The following SFR1 variants were observed in gnomAD, a reference collection of about 807,000 sequenced individuals.
The protein encoded by SFR1 is SWI5 dependent homologous recombination repair protein 1, also known as swi5-dependent recombination DNA repair protein 1 homolog.
Under a neutral mutation model 26.2 loss-of-function variants are expected in SFR1, and 24 were observed. The observed-to-expected ratio is 0.92, with a 90% CI of 0.66 to 1.29. SFR1 has a LOEUF of 1.29. SFR1 is among the 50% of genes most tolerant of loss of function. SFR1 has a pLI of 0.00. For missense variants in SFR1, 276 were observed against 270.2 expected (o/e 1.02, Z -0.15); for synonymous variants, 77 against 96.6 (o/e 0.80, Z 1.19).
chr10:104,125,421 T>A, intron 3 of SFR1, 92 bp from the exon 4 acceptor site: 2 of 1,004,684 alleles, frequency 2.0e-6, no homozygotes, highest in South Asian at 3.0e-5. Context: ...TATGTTAGCC[T>A]TTAAACCTGC....
At chr10:104,121,617 G>A (rs1015039362), upstream of SFR1, among the ~76,000 whole-genome samples, 2 of 152,172 alleles carry the variant, frequency 1.3e-5, no homozygotes, top group Non-Finnish European at 2.9e-5. Context: ...GCGGCTTCTG[G>A]CCGCCCCACG....
intron 2 of SFR1, chr10:104,123,356 C>T (rs1447605826): frequency 4.8e-6 from 2 of 414,644 alleles, no homozygotes; most frequent in Non-Finnish European, 8.5e-6. Context: ...TGCATCTGTG[C>T]AATATTATTA....
rs947283525 is a variant in SFR1, at chr10:104,125,406, C to CTGTGTATG, written c.547-105_547-98dup. 4 of 789,274 alleles carry CTGTGTATG rather than the reference C, an allele frequency of 5.1e-6. No homozygotes were observed. In the African/African-American group the frequency reaches 7.0e-5, roughly 14 times the overall value. 48.9% of individuals were successfully genotyped at this position (789,274 alleles called of 1,614,324 possible). On this transcript the variant is annotated intron_variant, in intron 3 of 3. Transcript: ENST00000369727. ...TCCTAGATAGAAGTCCCATTCATCC[C>CTGTGTATG]TGTGTATGTTAGCCTTTAAACCTGC...
At chr10:104,125,225 C>T (rs887992717) in intron 3 of SFR1, among the ~76,000 whole-genome samples, 4 of 152,098 alleles carry the variant, frequency 2.6e-5, no homozygotes, top group African/African-American at 7.2e-5. Context: ...GTAGATTTTT[C>T]CCTGTATTAT....
Position 104,125,746 on chromosome 10 carries a change from T to G in SFR1, c.*42T>G. On this transcript the variant is annotated 3_prime_UTR_variant, in exon 4 of 4. Transcript: ENST00000369727. ...CAGAATATCTTTGAGAATGACAACT[T>G]AATTAAAAGATACTTAGGCACTTTT... is the stretch of plus-strand genomic sequence containing the variant. The G allele has an allele frequency of 1.4e-6, 2 of 1,385,620 alleles. No individual in the cohort carries two copies. The highest frequency in any genetic ancestry group is 2.3e-5 in the East Asian group (1 of 43,474). 85.8% of individuals were successfully genotyped at this position (1,385,620 alleles called of 1,614,324 possible).
At chr10:104,121,196 C>T (rs1324678621), upstream of SFR1, among the ~76,000 whole-genome samples, 1 of 152,100 alleles carries the variant, frequency 6.6e-6, no homozygotes, top group East Asian at 1.9e-4. Context: ...TGGACCGACA[C>T]AATCTCATGT....
Position 104,123,039 on chromosome 10 carries a change from G to C in SFR1, c.88G>C (p.Ala30Pro). Residue 30 changes from alanine (A) to proline (P), a missense_variant, in exon 2 of 4, where the codon GCC (alanine) becomes CCC (proline). Ala to Pro is a conservative substitution (Grantham distance 27). Coordinates refer to ENST00000369727, the MANE Select transcript of SFR1 (RefSeq NM_001002759.2). Reference protein sequence around the residue: ...SAVVLPSTPQASANPSSPYTN... With the variant: ...SAVVLPSTPQPSANPSSPYTN... ...TGTGGTTTTACCTAGCACTCCTCAGGCCTCTGCGAATCCATCATCTCCCTA... is the reference window on the plus strand; with the variant it reads ...TGTGGTTTTACCTAGCACTCCTCAGCCCTCTGCGAATCCATCATCTCCCTA... The C allele has an allele frequency of 6.2e-7, 1 of 1,606,754 alleles. No homozygotes were observed. Among genetic ancestry groups the C allele is most frequent in the Non-Finnish European group, 8.5e-7 (1 of 1,177,910 alleles).
chr10:104,124,179 A>G, intron 3 of SFR1, 55 bp downstream of exon 3: 2 of 1,393,500 alleles, frequency 1.4e-6, no homozygotes, highest in East Asian at 5.1e-5. Flanking sequence ...AAATTACAGG[A>G]AAGTAATTTC....
chr10:104,121,017 T>G (rs577316038), upstream of SFR1, among the ~76,000 whole-genome samples: 1 of 152,034 alleles, frequency 6.6e-6, no homozygotes, highest in African/African-American at 2.4e-5. Context: ...CAGAAGTTAC[T>G]CAACTCTTTC....
chr10:104,122,611 T>A (rs1461318076), intron 1 of SFR1: 8 of 985,296 alleles, frequency 8.1e-6, no homozygotes, highest in Non-Finnish European at 9.6e-6. Flanking sequence ...CGGCTATAGC[T>A]TCTTGAATTA....
chr10:104,123,122 T>G (rs1261522153), intron 2 of SFR1, 36 bp downstream of exon 2: 2 of 1,491,246 alleles, frequency 1.3e-6, no homozygotes, highest in South Asian at 1.3e-5. Flanking sequence ...GGATCCATTA[T>G]GTGTTTCTAA....
intron 1 of SFR1, 102 bp from the exon 2 acceptor site, chr10:104,122,863 T>A: frequency 6.4e-7 from 1 of 1,559,906 alleles, no homozygotes; most frequent in Non-Finnish European, 8.6e-7. Context: ...ATATCTGGCT[T>A]ACTTGTGGAT....
At chr10:104,120,350 G>A (rs1407334695), upstream of SFR1, among the ~76,000 whole-genome samples, 2 of 152,166 alleles carry the variant, frequency 1.3e-5, no homozygotes, top group Non-Finnish European at 2.9e-5. Context: ...AAAATCATGA[G>A]TTCTCTCTTC....
chr10:104,125,862 T>G lies in SFR1; in HGVS notation c.*158T>G. 1 of 482,772 alleles carries G rather than the reference T, an allele frequency of 2.1e-6. No homozygotes were observed. The allele number at this position is 482,772 out of a possible 1,614,324, so 29.9% of individuals were successfully genotyped here. On this transcript the variant is annotated 3_prime_UTR_variant, in exon 4 of 4. Transcript: ENST00000369727. ...CTCACTGCAACCTCTGCCTCTCGGG[T>G]TCCAGCAATTCTCCTGCCTCAGCCT...
intron 1 of SFR1, 168 bp downstream of exon 1, chr10:104,122,364 G>A: frequency 1.0e-6 from 1 of 985,314 alleles, no homozygotes; most frequent in African/African-American, 1.7e-5. Context: ...AGGAGGGGAC[G>A]ACTCCCGCCC....
In SFR1 at chr10:104,125,822, A is replaced by G. The variant is rs2087021308; in HGVS notation, c.*118A>G. The G allele has an allele frequency of 4.6e-6, 3 of 654,770 alleles. No homozygotes were observed. In the South Asian group the frequency reaches 6.0e-5, roughly 13 times the overall value. 40.6% of individuals were successfully genotyped at this position (654,770 alleles called of 1,614,324 possible). ...CTCTTGTCATCCTGGCTGGAGTGTG[A>G]TGGTGCGATCTTGACTCACTGCAAC... On this transcript the variant is annotated 3_prime_UTR_variant, in exon 4 of 4. Coordinates refer to ENST00000369727, the MANE Select transcript of SFR1 (RefSeq NM_001002759.2).
At chr10:104,120,681 T>A (rs1455446844), upstream of SFR1, among the ~76,000 whole-genome samples, 2 of 152,240 alleles carry the variant, frequency 1.3e-5, no homozygotes, top group African/African-American at 4.8e-5. Flanking sequence ...AGTTCTCATT[T>A]AATTCTCCAA....
Position 104,125,549 on chromosome 10 carries a change from T to G in SFR1, c.583T>G (p.Trp195Gly). Reference sequence around the variant, plus strand: ...TCAGTTACAGTTGTTAATAAAGAAGTGGAGAAGCTGTAGCCAGCTCTTGCT... The same window carrying G: ...TCAGTTACAGTTGTTAATAAAGAAGGGGAGAAGCTGTAGCCAGCTCTTGCT... ...LSQLQLLIKKWRSCSQLLLYE... is the reference protein window; with the variant it reads ...LSQLQLLIKKGRSCSQLLLYE... Residue 195 changes from tryptophan (W) to glycine (G), a missense_variant, in exon 4 of 4, where the codon TGG becomes GGG. Physicochemically the swap from Trp to Gly is radical, Grantham distance 184. Transcript: ENST00000369727. 6.2e-7 allele frequency: 1 copy of G among 1,612,776 alleles called. No individual in the cohort carries two copies. Among genetic ancestry groups the G allele is most frequent in the Non-Finnish European group, 8.5e-7 (1 of 1,179,582 alleles).
intron 3 of SFR1, among the ~76,000 whole-genome samples, chr10:104,124,586 A>C (rs2087005584): frequency 6.6e-6 from 1 of 150,720 alleles, no homozygotes; most frequent in East Asian, 1.9e-4. Context: ...TTTAGATTTC[A>C]ACCCATATAG....
Sources: allele counts gnomAD v4.1 joint callset (sites outside exome capture counted in the v4.1 genomes callset), GRCh38; gene constraint gnomAD v4.1.1; transcripts MANE v1.5; gene names NCBI Gene and HGNC (gene_info 2026-07-23, HGNC 2026-07-21).